CA7: variants seen among roughly 807,000 people sequenced by gnomAD.
CA7 encodes the protein carbonate dehydratase VII.
Under a neutral mutation model 31.4 loss-of-function variants are expected in CA7, and 13 were observed. The ratio of observed to expected loss-of-function variants is 0.41; its 90% CI spans 0.27 to 0.66. The LOEUF is 0.66. Ranked by LOEUF, CA7 falls within the 30% of genes least tolerant of loss-of-function variation. The pLI, the probability that CA7 is intolerant of heterozygous loss-of-function variation, is 0.28. For synonymous variants in CA7, 128 were observed against 133.2 expected (o/e 0.96, Z 0.27); for missense variants, 215 against 351.0 (o/e 0.61, Z 3.10).
chr16:66,852,821 T>G lies in CA7; in HGVS notation c.626T>G (p.Val209Gly), dbSNP rs769901343. Residue 209 changes from valine (V) to glycine (G), a missense_variant, in exon 6 of 7, where the codon GTC becomes GGC. Transcript: ENST00000338437. Reference sequence around the variant, plus strand: ...ACGACTCCCCCACTCAGTGAGAGTGTCACCTGGATTGTGCTCCGGGAGCCC... The same window carrying G: ...ACGACTCCCCCACTCAGTGAGAGTGGCACCTGGATTGTGCTCCGGGAGCCC... ...SLTTPPLSES[V>G]TWIVLREPIC... The G allele has an allele frequency of 6.2e-7, 1 of 1,613,926 alleles. No individual in the cohort carries two copies. The highest frequency in any genetic ancestry group is 1.7e-5 in the Admixed American group (1 of 60,004).
rs1461383819 is a variant in CA7, at chr16:66,852,562, GAAAGAAAAAGAAAGAAAAGAAAAGA to G, written c.517-146_517-122del. 9 of 509,932 alleles carry G rather than the reference GAAAGAAAAAGAAAGAAAAGAAAAGA, an allele frequency of 1.8e-5. No homozygotes were observed. In the African/African-American group the frequency reaches 1.9e-4, roughly 11 times the overall value. The allele number at this position is 509,932 out of a possible 1,614,324, so 31.6% of individuals were successfully genotyped here. A position where few individuals can be genotyped will look rare whatever the true frequency, so the allele number is the denominator to read the frequency against. On this transcript the variant is annotated intron_variant, in intron 5 of 6. Coordinates refer to ENST00000338437, the MANE Select transcript of CA7 (RefSeq NM_005182.3). ...AGGAAGGAAGGAAGAAAGAAAGAAAGAAAGAAAAAGAAAGAAAAGAAAAGAAAAAAAAAAGAAAAGAAAAGAAAAA... is the reference window on the plus strand; with the variant it reads ...AGGAAGGAAGGAAGAAAGAAAGAAAGAAAAAAAAAGAAAAGAAAAGAAAAA...
intron 2 of CA7, among the ~76,000 whole-genome samples, chr16:66,847,445 A>G (rs1339637528): frequency 6.6e-6 from 1 of 152,224 alleles, no homozygotes; most frequent in Non-Finnish European, 1.5e-5. Flanking sequence ...GAAAAAACCA[A>G]GTAAGGTCGA....
Position 66,853,098 on chromosome 16 carries a change from C to T in CA7, c.672+231C>T, listed in dbSNP as rs944985845. Among the ~76,000 whole-genome samples, 3 of 152,210 alleles carry T rather than the reference C, an allele frequency of 2.0e-5. No homozygotes were observed. Among genetic ancestry groups the T allele is most frequent in the Non-Finnish European group, 2.9e-5 (2 of 68,044 alleles). ...ACCTGGATCCTGGGACCCCCACCCC[C>T]GCTACTGTGTTGGAATCTGAATGCT... On this transcript the variant is annotated intron_variant, in intron 6 of 6. Transcript: ENST00000338437. This position sits in a 1 kb window ranked among gnomAD's most constrained non-coding sequence, Gnocchi z 4.5.
At position 66,852,791 on chromosome 16, in the gene CA7, C is replaced by T; in HGVS notation, c.596C>T (p.Ser199Phe). Residue 199 changes from serine (S) to phenylalanine (F), a missense_variant, in exon 6 of 7, where the codon TCT (serine) becomes TTT (phenylalanine). Physicochemically the swap from Ser to Phe is radical, Grantham distance 155. Transcript: ENST00000338437. ...ASRHYWTYPG[S>F]LTTPPLSESV... ...CGGCACTACTGGACCTACCCGGGCTCTCTGACGACTCCCCCACTCAGTGAG... is the reference window on the plus strand; with the variant it reads ...CGGCACTACTGGACCTACCCGGGCTTTCTGACGACTCCCCCACTCAGTGAG... 1 of 1,614,088 alleles carries T rather than the reference C, an allele frequency of 6.2e-7. No individual in the cohort carries two copies. Among genetic ancestry groups the T allele is most frequent in the Non-Finnish European group, 8.5e-7 (1 of 1,180,020 alleles).
At chr16:66,847,406 T>C (rs1960952271) in intron 2 of CA7, among the ~76,000 whole-genome samples, 179 bp downstream of exon 2, 1 of 152,198 alleles carries the variant, frequency 6.6e-6, no homozygotes, top group Non-Finnish European at 1.5e-5. Context: ...CAATAAGACC[T>C]ACCCTCTTAG....
chr16:66,851,758 G>A (rs760812208), intron 5 of CA7, 32 bp downstream of exon 5: 50 of 1,588,178 alleles, frequency 3.1e-5, no homozygotes, highest in African/African-American at 2.3e-4. Flanking sequence ...CAAGCAGCCC[G>A]ATGGGGAGAG....
At position 66,850,532 on chromosome 16, in the gene CA7, T is replaced by A; in HGVS notation, c.239-9T>A. ...TACTCATTGCCACTCGCCCCACTTCTACCCACAGTGGTGACTGGGGGCCCC... is the reference window on the plus strand; with the variant it reads ...TACTCATTGCCACTCGCCCCACTTCAACCCACAGTGGTGACTGGGGGCCCC... On this transcript the variant is annotated splice_polypyrimidine_tract_variant and intron_variant, in intron 2 of 6. Coordinates refer to ENST00000338437, the MANE Select transcript of CA7 (RefSeq NM_005182.3). The A allele has an allele frequency of 6.6e-7, 1 of 1,521,584 alleles. No individual in the cohort carries two copies. The highest frequency in any genetic ancestry group is 1.7e-5 in the Admixed American group (1 of 59,928). The allele number at this position is 1,521,584 out of a possible 1,614,324, so 94.3% of individuals were successfully genotyped here. A position where few individuals can be genotyped will look rare whatever the true frequency, so the allele number is the denominator to read the frequency against.
At position 66,844,423 on chromosome 16, in the gene CA7, G is replaced by A; in HGVS notation, c.-65G>A. 5 of 1,404,510 alleles carry A rather than the reference G, an allele frequency of 3.6e-6. No homozygotes were observed. Among genetic ancestry groups the A allele is most frequent in the Non-Finnish European group, 4.8e-6 (5 of 1,038,900 alleles). The allele number at this position is 1,404,510 out of a possible 1,614,324, so 87.0% of individuals were successfully genotyped here. On this transcript the variant is annotated 5_prime_UTR_variant, in exon 1 of 7. Coordinates refer to ENST00000338437, the MANE Select transcript of CA7 (RefSeq NM_005182.3). ...CTCCGCGGTAGCGAGCGGGGCCGGA[G>A]CCGCAGCCCGAACGAGCGGACCGAG...
At chr16:66,849,948 C>T (rs1961003849) in intron 2 of CA7, among the ~76,000 whole-genome samples, 1 of 151,028 alleles carries the variant, frequency 6.6e-6, no homozygotes, top group South Asian at 2.1e-4. Flanking sequence ...GTGAAACTCC[C>T]TTTCTACTAA....
Position 66,844,414 on chromosome 16 carries a change from G to C in CA7, c.-74G>C. 1.5e-6 allele frequency: 2 copies of C among 1,307,124 alleles called. No homozygotes were observed. The highest frequency in any genetic ancestry group is 1.5e-5 in the African/African-American group (1 of 65,328). 81.0% of individuals were successfully genotyped at this position (1,307,124 alleles called of 1,614,324 possible). A position where few individuals can be genotyped will look rare whatever the true frequency, so the allele number is the denominator to read the frequency against. On this transcript the variant is annotated 5_prime_UTR_variant, in exon 1 of 7. Transcript: ENST00000338437. ...AAGAGGCTGCTCCGCGGTAGCGAGC[G>C]GGGCCGGAGCCGCAGCCCGAACGAG...
rs1021270462 is a variant in CA7, at chr16:66,851,417, A to G, written c.358-46A>G. The G allele has an allele frequency of 3.4e-6, 5 of 1,482,516 alleles. No individual in the cohort carries two copies. In the African/African-American group the frequency reaches 4.1e-5, roughly 12 times the overall value. The allele number at this position is 1,482,516 out of a possible 1,614,324, so 91.8% of individuals were successfully genotyped here. A position where few individuals can be genotyped will look rare whatever the true frequency, so the allele number is the denominator to read the frequency against. On this transcript the variant is annotated intron_variant, in intron 3 of 6. Coordinates refer to ENST00000338437, the MANE Select transcript of CA7 (RefSeq NM_005182.3). ...GAGGGGAGCCTGGCTCAGAGTTCCCATTGCCTCTGGGAGGCACGAAGCATT... is the reference window on the plus strand; with the variant it reads ...GAGGGGAGCCTGGCTCAGAGTTCCCGTTGCCTCTGGGAGGCACGAAGCATT...
chr16:66,851,922 C>T (rs1961064443), intron 5 of CA7, among the ~76,000 whole-genome samples, 196 bp downstream of exon 5: 2 of 152,032 alleles, frequency 1.3e-5, no homozygotes, highest in South Asian at 2.1e-4. Context: ...GCATGAAGCC[C>T]GGCTAGGTAT....
rs761977983 is a variant in CA7, at chr16:66,847,107, G to T, written c.118G>T (p.Ala40Ser). Residue 40 changes from alanine (A) to serine (S), a missense_variant, in exon 2 of 7, where the codon GCT becomes TCT. By Grantham distance (99) the Ala-to-Ser change is moderately conservative. Transcript: ENST00000338437. ...QSPINIISSQ[A>S]VYSPSLQPLE... is the part of the protein sequence containing the mutation. ...ACCCATCAATATCATCTCCAGCCAG[G>T]CTGTGTACTCTCCCAGCCTGCAACC... The T allele has an allele frequency of 1.9e-6, 3 of 1,614,174 alleles. No homozygotes were observed. The highest frequency in any genetic ancestry group is 8.5e-7 in the Non-Finnish European group (1 of 1,180,022).
intron 1 of CA7, chr16:66,844,984 A>T: frequency 1.0e-6 from 1 of 992,754 alleles, no homozygotes; most frequent in Non-Finnish European, 1.2e-6. Context: ...GCAAGGGCGC[A>T]GTGTCCCCCG....
In CA7 at chr16:66,853,261, G is replaced by A; in HGVS notation, c.673-115G>A. ...GGAAGAGTAGGGACAGACCCTAAGG[G>A]AAGGAGGAGGGAGGGGTAGAGCTGG... On this transcript the variant is annotated intron_variant, in intron 6 of 6. Coordinates refer to ENST00000338437, the MANE Select transcript of CA7 (RefSeq NM_005182.3). This position sits in a 1 kb window ranked among gnomAD's most constrained non-coding sequence, Gnocchi z 4.5. 1 of 1,305,782 alleles carries A rather than the reference G, an allele frequency of 7.7e-7. No individual in the cohort carries two copies. Among genetic ancestry groups the A allele is most frequent in the Non-Finnish European group, 1.1e-6 (1 of 921,180 alleles). 80.9% of individuals were successfully genotyped at this position (1,305,782 alleles called of 1,614,324 possible).
At chr16:66,844,783 G>C (rs1206206873) in intron 1 of CA7, 2 of 725,126 alleles carry the variant, frequency 2.8e-6, no homozygotes, top group African/African-American at 3.7e-5. Flanking sequence ...CGCCTCCTCC[G>C]CGAAGCCCCT....
chr16:66,850,486 A>G (rs1961017356), intron 2 of CA7, 55 bp from the exon 3 acceptor site: 1 of 992,274 alleles, frequency 1.0e-6, no homozygotes, highest in African/African-American at 1.6e-5. Context: ...TGGTCCTGGC[A>G]CTGGGCTGTC....
chr16:66,844,656 T>G, intron 1 of CA7, 129 bp downstream of exon 1: 1 of 734,992 alleles, frequency 1.4e-6, no homozygotes, highest in Non-Finnish European at 2.1e-6. Flanking sequence ...GGGACCCCTC[T>G]TCCCATCCCG....
At chr16:66,852,462 CAAAAAA>C in intron 5 of CA7, among the ~76,000 whole-genome samples, 1 of 95,610 alleles carries the variant, frequency 1.0e-5, no homozygotes, top group East Asian at 3.2e-4. Context: ...GACTCCACCT[CAAAAAA>C]AAAGAAAAAG....
Sources: gnomAD v4.1 joint callset for allele counts (sites outside exome capture counted in the v4.1 genomes callset) on GRCh38, gnomAD v4.1.1 for gene constraint, Gnocchi (gnomAD v3.1) non-coding constraint, MANE v1.5 for transcripts, NCBI Gene and HGNC (gene_info 2026-07-23, HGNC 2026-07-21) for gene names.